The following EYS variants were observed in gnomAD, a reference collection of about 807,000 sequenced individuals.
EYS encodes the protein protein eyes shut homolog.
A neutral mutation model predicts 282.1 loss-of-function variants in EYS; 250 were observed. The observed-to-expected ratio is 0.89, with a 90% CI of 0.80 to 0.98. The LOEUF (loss-of-function observed/expected upper bound fraction) is 0.98, where lower values mean the gene tolerates loss of function less well. Ranked by LOEUF, EYS falls within the 50% of genes least tolerant of loss-of-function variation. The probability of loss-of-function intolerance (pLI) is 0.00; values close to 1 mark genes in which losing one functional copy is unlikely to be tolerated. For synonymous variants in EYS, 1,355 were observed against 1,282.9 expected (o/e 1.06, Z -1.20); for missense variants, 4,016 against 3,709.0 (o/e 1.08, Z -2.15).
chr6:64,981,370 CCTACCAGGT>C (rs1268421605), intron 14 of EYS, among the ~76,000 whole-genome samples: 2 of 151,158 alleles, frequency 1.3e-5, no homozygotes, highest in Non-Finnish European at 3.0e-5. Flanking sequence ...TGTATGATAG[CCTACCAGGT>C]CTTTCATCAG....
chr6:65,526,065 G>A lies in EYS; in HGVS notation c.-332-30072C>T, dbSNP rs1000148473. Among the ~76,000 whole-genome samples the A allele has an allele frequency of 2.6e-5, 4 of 152,286 alleles. 1 individual carries two copies. In the South Asian group the frequency reaches 8.3e-4, roughly 32 times the overall value. On this transcript the variant is annotated intron_variant, in intron 2 of 42. Transcript: ENST00000503581. The stretch of plus-strand genomic sequence containing the variant: ...AGTCCAAGGTCAGGGAGGCGTATCT[G>A]GTGAGAGCCGTGTCCTAACTTAGTG...
intron 28 of EYS, among the ~76,000 whole-genome samples, chr6:64,426,909 T>C (rs1774429585): frequency 2.0e-5 from 3 of 152,198 alleles, no homozygotes; most frequent in African/African-American, 7.2e-5. Flanking sequence ...AGTTATTTTT[T>C]AGTCAATTAT....
In EYS at chr6:63,752,065, A is replaced by G. The variant is rs1181319412; in HGVS notation, c.8071+10396T>C. 2.6e-5 allele frequency among the ~76,000 whole-genome samples: 4 copies of G among 152,334 alleles called. 1 individual carries two copies. The South Asian group carries it at 6.2e-4, about 24-fold the overall frequency. Reference sequence around the variant, plus strand: ...TTGTGAAGCACAATTTGGGGGTTGAACAGATGCCAAGGTAAACTTTAAAAT... The same window carrying G: ...TTGTGAAGCACAATTTGGGGGTTGAGCAGATGCCAAGGTAAACTTTAAAAT... On this transcript the variant is annotated intron_variant, in intron 41 of 42. Coordinates refer to ENST00000503581, the MANE Select transcript of EYS (RefSeq NM_001142800.2).
chr6:65,552,996 A>G (rs1197315754), intron 2 of EYS, among the ~76,000 whole-genome samples: 1 of 152,170 alleles, frequency 6.6e-6, no homozygotes, highest in East Asian at 1.9e-4. Context: ...ATTGATTCAA[A>G]TCGGCACTTT....
chr6:65,342,395 ATG>A (rs1770232026), intron 10 of EYS, among the ~76,000 whole-genome samples: 1 of 151,182 alleles, frequency 6.6e-6, no homozygotes, highest in East Asian at 2.0e-4. Flanking sequence ...ATGTATTAGA[ATG>A]TTTTATTGAT....
intron 39 of EYS, 103 bp from the exon 40 acceptor site, chr6:63,778,283 A>G (rs1037799723): frequency 8.5e-7 from 1 of 1,182,536 alleles, no homozygotes; most frequent in Non-Finnish European, 1.2e-6. Context: ...TTCAAAATAA[A>G]GTAATACATG....
chr6:65,405,359 A>G lies in EYS; in HGVS notation c.871T>C (p.Cys291Arg). 1 of 1,606,820 alleles carries G rather than the reference A, an allele frequency of 6.2e-7. No homozygotes were observed. The highest frequency in any genetic ancestry group is 1.7e-5 in the Admixed American group (1 of 58,768). Reference protein sequence around the residue: ...ECDEQFSGPFCEVSAKPCVSL... With the variant: ...ECDEQFSGPFREVSAKPCVSL... ...ACACAAGGTTTTGCTGACACCTCAC[A>G]GAATGGACCTTAAAAAAATCACACA... Residue 291 changes from cysteine to arginine, a missense_variant, in exon 6 of 43, where the codon TGT becomes CGT. Physicochemically the swap from Cys to Arg is radical, Grantham distance 180. Coordinates refer to ENST00000503581, the MANE Select transcript of EYS (RefSeq NM_001142800.2).
At chr6:64,190,988 C>T (rs931529099) in intron 31 of EYS, among the ~76,000 whole-genome samples, 4 of 152,114 alleles carry the variant, frequency 2.6e-5, no homozygotes, top group Non-Finnish European at 5.9e-5. Flanking sequence ...CATTTTCATA[C>T]ATTTACTGGC....
At chr6:64,530,917 A>G (rs142440170) in intron 26 of EYS, among the ~76,000 whole-genome samples, 44 of 152,258 alleles carry the variant, frequency 2.9e-4, no homozygotes, top group African/African-American at 1.0e-3. Context: ...AATTTATTCT[A>G]CTTATATTCA....
chr6:65,349,005 T>A (rs2150323765), intron 9 of EYS, among the ~76,000 whole-genome samples: 1 of 151,808 alleles, frequency 6.6e-6, no homozygotes, highest in African/African-American at 2.4e-5. Flanking sequence ...AACTTGTATC[T>A]ATTTCAATTT....
At chr6:65,069,190 C>G (rs1773835984) in intron 12 of EYS, among the ~76,000 whole-genome samples, 2 of 152,008 alleles carry the variant, frequency 1.3e-5, no homozygotes, top group South Asian at 4.1e-4. Context: ...CTTGCATCTT[C>G]AAACTTCTGC....
chr6:65,665,467 T>G (rs1768163952), intron 1 of EYS, among the ~76,000 whole-genome samples: 2 of 152,242 alleles, frequency 1.3e-5, no homozygotes, highest in South Asian at 2.1e-4. Context: ...TAAAATAGAT[T>G]ATTTTCTTAA....
Position 64,946,046 on chromosome 6 carries a change from C to A in EYS, c.2260-132G>T, listed in dbSNP as rs191778717. The A allele has an allele frequency of 3.0e-3, 1,879 of 624,568 alleles. 16 individuals carry two copies. Among genetic ancestry groups the A allele is most frequent in the Non-Finnish European group, 3.0e-3 (1,197 of 394,164 alleles). The allele number at this position is 624,568 out of a possible 1,614,324, so 38.7% of individuals were successfully genotyped here. A position where few individuals can be genotyped will look rare whatever the true frequency, so the allele number is the denominator to read the frequency against. On this transcript the variant is annotated intron_variant, in intron 14 of 42. Transcript: ENST00000503581. ...TTTAGTTTTATAGAATGCCAATACT[C>A]CCCCCAAATGACTTTTACCACATTT... is the stretch of plus-strand genomic sequence containing the variant.
intron 5 of EYS, among the ~76,000 whole-genome samples, chr6:65,435,567 G>T (rs976905985): frequency 2.0e-5 from 3 of 151,924 alleles, no homozygotes; most frequent in African/African-American, 7.2e-5. Context: ...AATTTTAACT[G>T]GGTGAAGGGC....
chr6:65,426,714 C>G (rs1042414154), intron 5 of EYS, among the ~76,000 whole-genome samples: 5 of 151,868 alleles, frequency 3.3e-5, no homozygotes, highest in Admixed American at 6.6e-5. Flanking sequence ...TACTATATAC[C>G]CTTCTACACT....
intron 26 of EYS, among the ~76,000 whole-genome samples, chr6:64,462,516 T>C (rs1029099378): frequency 6.6e-6 from 1 of 152,108 alleles, no homozygotes; most frequent in African/African-American, 2.4e-5. Context: ...AACATCTAAC[T>C]AGTGGAAGTT....
intron 23 of EYS, among the ~76,000 whole-genome samples, chr6:64,621,008 T>G (rs1767429702): frequency 6.6e-6 from 1 of 152,116 alleles, no homozygotes; most frequent in Admixed American, 6.6e-5. Flanking sequence ...AAAATTGGAG[T>G]AAATTTTTAC....
At chr6:64,070,888 GACTTT>G (rs1771548575) in intron 32 of EYS, among the ~76,000 whole-genome samples, 2 of 152,034 alleles carry the variant, frequency 1.3e-5, no homozygotes, top group African/African-American at 4.8e-5. Flanking sequence ...TATTCATTAT[GACTTT>G]TACACCATGA....
chr6:64,435,987 C>T (rs1254018181), intron 28 of EYS, among the ~76,000 whole-genome samples, 187 bp downstream of exon 28: 1 of 151,626 alleles, frequency 6.6e-6, no homozygotes, highest in African/African-American at 2.4e-5. Context: ...TAATGTAATC[C>T]CTATAATATT....
Sources: allele counts gnomAD v4.1 joint callset (sites outside exome capture counted in the v4.1 genomes callset), GRCh38; gene constraint gnomAD v4.1.1; transcripts MANE v1.5; gene names NCBI Gene and HGNC (gene_info 2026-07-23, HGNC 2026-07-21).